The following ROR2 variants were observed in gnomAD, a reference collection of about 807,000 sequenced individuals.
ROR2 encodes the protein tyrosine-protein kinase transmembrane receptor ROR2.
A neutral mutation model predicts 74.9 loss-of-function variants in ROR2; 33 were observed. The ratio of observed to expected loss-of-function variants is 0.44; its 90% CI spans 0.33 to 0.59. ROR2 has a LOEUF of 0.59. ROR2 is among the 20% of genes least tolerant of loss of function. ROR2 has a pLI of 0.02. For synonymous variants in ROR2, 586 were observed against 558.7 expected, an observed-to-expected ratio of 1.05 and a Z score of -0.69; for missense variants, 1,216 against 1,313.8, an observed-to-expected ratio of 0.93 and a Z score of 1.15.
intron 2 of ROR2, among the ~76,000 whole-genome samples, chr9:91,761,775 C>T (rs1340699702): frequency 6.6e-6 from 1 of 152,118 alleles, no homozygotes; most frequent in East Asian, 1.9e-4. Context: ...AAGGACCTCT[C>T]AAAAAAGTAT....
chr9:91,739,865 A>G (rs1321332489), intron 4 of ROR2, among the ~76,000 whole-genome samples: 2 of 152,198 alleles, frequency 1.3e-5, no homozygotes, highest in African/African-American at 4.8e-5. Context: ...CCACACTACC[A>G]ACATAAATGG....
chr9:91,730,733 C>T lies in ROR2; in HGVS notation c.1183+177G>A, dbSNP rs115428485. Among the ~76,000 whole-genome samples, 698 of 152,276 alleles carry T rather than the reference C, an allele frequency of 4.6e-3. 5 individuals are homozygous for T. Among genetic ancestry groups the T allele is most frequent in the African/African-American group, 0.016 (669 of 41,560 alleles). On this transcript the variant is annotated intron_variant, in intron 7 of 8. Coordinates refer to ENST00000375708, the MANE Select transcript of ROR2 (RefSeq NM_004560.4). ...CCTCCCAAAGTGCTGGGATTATAGG[C>T]ATCAGCCACTACGCGTGGCCCAACA...
rs544924825 is a variant in ROR2, at chr9:91,777,599, TAC to T, written c.98-1783_98-1782del. Among the ~76,000 whole-genome samples, 36 of 152,196 alleles carry T rather than the reference TAC, an allele frequency of 2.4e-4. No individual in the cohort carries two copies. In the South Asian group the frequency reaches 7.3e-3, roughly 31 times the overall value. ...AAGTGTGCAATTGAGTGGTTTTCAG[TAC>T]ATTCTCAAGGTTGTGCAACGATCAC... On this transcript the variant is annotated intron_variant, in intron 1 of 8. Coordinates refer to ENST00000375708, the MANE Select transcript of ROR2 (RefSeq NM_004560.4).
chr9:91,878,331 C>G (rs1830011173), intron 1 of ROR2, among the ~76,000 whole-genome samples: 1 of 152,186 alleles, frequency 6.6e-6, no homozygotes, highest in African/African-American at 2.4e-5. Context: ...TTCTTCTCCA[C>G]CTGGTGAGGA....
At chr9:91,893,670 C>T (rs1830475389) in intron 1 of ROR2, among the ~76,000 whole-genome samples, 1 of 152,162 alleles carries the variant, frequency 6.6e-6, no homozygotes. Context: ...ACATATGTAA[C>T]AGAAGATATT....
intron 1 of ROR2, among the ~76,000 whole-genome samples, chr9:91,824,453 G>A (rs558413475): frequency 2.0e-5 from 3 of 152,328 alleles, no homozygotes; most frequent in South Asian, 4.1e-4. Context: ...CACACGCCGG[G>A]GGCAGGGCAT....
At chr9:91,844,517 A>G (rs1298942214) in intron 1 of ROR2, among the ~76,000 whole-genome samples, 1 of 152,210 alleles carries the variant, frequency 6.6e-6, no homozygotes, top group East Asian at 1.9e-4. Context: ...TGAAGAGAAC[A>G]TATGAATTTT....
chr9:91,747,976 G>A (rs1201117703), intron 4 of ROR2, among the ~76,000 whole-genome samples: 1 of 152,204 alleles, frequency 6.6e-6, no homozygotes, highest in East Asian at 1.9e-4. Context: ...CAGTTAGAAG[G>A]AGGACTAAGG....
chr9:91,864,301 A>G (rs1226005965), intron 1 of ROR2, among the ~76,000 whole-genome samples: 1 of 152,166 alleles, frequency 6.6e-6, no homozygotes, highest in African/African-American at 2.4e-5. Context: ...GGCCAGAACA[A>G]GGCTTGGTTC....
At chr9:91,760,469 T>G (rs1393980199) in intron 2 of ROR2, among the ~76,000 whole-genome samples, 1 of 151,662 alleles carries the variant, frequency 6.6e-6, no homozygotes, top group African/African-American at 2.4e-5. Context: ...CTGTCTCCAC[T>G]AAAAATAAAA....
intron 1 of ROR2, among the ~76,000 whole-genome samples, chr9:91,881,161 GA>G (rs879587092): frequency 6.6e-6 from 1 of 152,064 alleles, no homozygotes; most frequent in Non-Finnish European, 1.5e-5. Flanking sequence ...TGGAAAAACT[GA>G]AAAAATCCTA....
chr9:91,896,585 T>C (rs779023918), intron 1 of ROR2, among the ~76,000 whole-genome samples: 4 of 152,234 alleles, frequency 2.6e-5, no homozygotes, highest in Non-Finnish European at 5.9e-5. Flanking sequence ...CTGCTTCTGG[T>C]TCCCATTAGA....
intron 1 of ROR2, among the ~76,000 whole-genome samples, chr9:91,803,714 G>T (rs1229299995): frequency 6.6e-6 from 1 of 152,160 alleles, no homozygotes; most frequent in African/African-American, 2.4e-5. Context: ...CCTTGCGTAT[G>T]GGTCCTTGGG....
At chr9:91,819,153 T>C (rs2119137450) in intron 1 of ROR2, among the ~76,000 whole-genome samples, 1 of 152,282 alleles carries the variant, frequency 6.6e-6, no homozygotes, top group Admixed American at 6.5e-5. Context: ...GAATGATCTC[T>C]GCAGCCCCCG....
chr9:91,725,149 G>A (rs376457548), intron 8 of ROR2, 42 bp from the exon 9 acceptor site: 71 of 1,609,198 alleles, frequency 4.4e-5, no homozygotes, highest in Non-Finnish European at 5.6e-5. Context: ...CACTGTCACC[G>A]CAGCCCTGGA....
At chr9:91,808,725 G>A (rs992358097) in intron 1 of ROR2, among the ~76,000 whole-genome samples, 7 of 152,170 alleles carry the variant, frequency 4.6e-5, no homozygotes, top group African/African-American at 1.7e-4. Context: ...TTCGGAGGCC[G>A]AGGAGGGCGG....
intron 2 of ROR2, among the ~76,000 whole-genome samples, chr9:91,761,072 A>AT (rs1491259550): frequency 6.6e-6 from 1 of 152,226 alleles, no homozygotes; most frequent in Non-Finnish European, 1.5e-5. Context: ...AAAGCAACAC[A>AT]TATCTTTCAT....
intron 2 of ROR2, among the ~76,000 whole-genome samples, chr9:91,759,458 A>G (rs1401661453): frequency 2.6e-5 from 4 of 152,176 alleles, no homozygotes; most frequent in Non-Finnish European, 4.4e-5. Flanking sequence ...GCTGATGACA[A>G]TTCTTTAAAA....
chr9:91,881,004 T>C (rs1242607537), intron 1 of ROR2, among the ~76,000 whole-genome samples: 1 of 152,218 alleles, frequency 6.6e-6, no homozygotes, highest in African/African-American at 2.4e-5. Flanking sequence ...AATGTTCTTG[T>C]TTGTAGAAAA....
Sources: gnomAD v4.1 joint callset for allele counts (sites outside exome capture counted in the v4.1 genomes callset) on GRCh38, gnomAD v4.1.1 for gene constraint, MANE v1.5 for transcripts, NCBI Gene and HGNC (gene_info 2026-07-23, HGNC 2026-07-21) for gene names.